Variants in VDAC2 observed in about 807,000 individuals in gnomAD.
The protein encoded by VDAC2 is voltage dependent anion channel 2.
A neutral mutation model predicts 36.6 loss-of-function variants in VDAC2; 6 were observed. The observed-to-expected ratio is 0.16, with a 90% CI of 0.09 to 0.32. The LOEUF (loss-of-function observed/expected upper bound fraction) is 0.32. Among genes scored for constraint, VDAC2 ranks in the 10% least tolerant of loss-of-function variants. The probability of loss-of-function intolerance (pLI) is 1.00; values close to 1 mark genes in which losing one functional copy is unlikely to be tolerated. For missense variants in VDAC2, 247 were observed against 346.0 expected (o/e 0.71, Z 2.27); for synonymous variants, 109 against 123.8 (o/e 0.88, Z 0.79).
intron 4 of VDAC2, chr10:75,218,280 T>C: frequency 6.4e-6 from 1 of 156,524 alleles, no homozygotes; most frequent in Non-Finnish European, 1.4e-5. Flanking sequence ...CTCTGCCTCC[T>C]GAGTAGCTGG....
At position 75,219,319 on chromosome 10, in the gene VDAC2, A is replaced by G. The variant is rs762091304; in HGVS notation, c.319A>G (p.Lys107Glu). The G allele has an allele frequency of 6.2e-7, 1 of 1,600,820 alleles. No homozygotes were observed. The highest frequency in any genetic ancestry group is 8.5e-7 in the Non-Finnish European group (1 of 1,174,474). The change falls in exon 6 of 10, where the codon AAA (lysine) becomes GAA (glutamate). Residue 107 changes from lysine (K) to glutamate (E), a missense_variant. Around this residue, in one of 3 missense-constraint regions of VDAC2, gnomAD observed 159 missense variants for 234.0 expected, o/e 0.68. Coordinates refer to ENST00000332211, the MANE Select transcript of VDAC2 (RefSeq NM_001391963.1). Reference protein sequence around the residue: ...AIEDQICQGLKLTFDTTFSPN... With the variant: ...AIEDQICQGLELTFDTTFSPN... ...TTCAAAATAGATTTGTCAAGGTTTG[A>G]AACTGACATTTGATACTACCTTCTC...
intron 8 of VDAC2, among the ~76,000 whole-genome samples, chr10:75,222,642 T>G (rs1373801031): frequency 2.6e-5 from 4 of 152,212 alleles, no homozygotes; most frequent in African/African-American, 9.6e-5. Flanking sequence ...ATGATAACCT[T>G]GAGCCATAGG....
At position 75,213,976 on chromosome 10, in the gene VDAC2, A is replaced by C. The variant is rs777599696; in HGVS notation, c.101-45A>C. On this transcript the variant is annotated intron_variant, in intron 3 of 9. Coordinates refer to ENST00000332211, the MANE Select transcript of VDAC2 (RefSeq NM_001391963.1). ...AGTCAACAATTGCTATGCATCTTTC[A>C]TACAAAGGAATCATTTTGTTTCTTT... 2.5e-6 allele frequency: 4 copies of C among 1,600,994 alleles called. No individual in the cohort carries two copies. In the South Asian group the frequency reaches 4.4e-5, roughly 18 times the overall value.
chr10:75,217,926 A>C (rs1206361139), intron 4 of VDAC2: 5 of 1,288,484 alleles, frequency 3.9e-6, no homozygotes, highest in Non-Finnish European at 5.1e-6. Flanking sequence ...TATTATTTTC[A>C]CATCAGCTGT....
chr10:75,225,164 C>T (rs1308276262), intron 8 of VDAC2, among the ~76,000 whole-genome samples: 1 of 152,128 alleles, frequency 6.6e-6, no homozygotes, highest in Admixed American at 6.5e-5. Context: ...TGAGGAGGAA[C>T]TGGATCTCAC....
Position 75,219,318 on chromosome 10 carries a change from G to A in VDAC2, c.318G>A (p.Leu106=), listed in dbSNP as rs754030778. The A allele has an allele frequency of 4.4e-6, 7 of 1,600,486 alleles. No individual in the cohort carries two copies. The highest frequency in any genetic ancestry group is 6.0e-6 in the Non-Finnish European group (7 of 1,174,310). ...IAIEDQICQG[L]KLTFDTTFSP... ...TTTCAAAATAGATTTGTCAAGGTTT[G>A]AAACTGACATTTGATACTACCTTCT... The change falls in exon 6 of 10, where the codon TTG becomes TTA. Residue 106 remains leucine (L), a synonymous_variant. Coordinates refer to ENST00000332211, the MANE Select transcript of VDAC2 (RefSeq NM_001391963.1).
At position 75,215,356 on chromosome 10, in the gene VDAC2, C is replaced by CT. The variant is rs894316957; in HGVS notation, c.150+1299dup. On this transcript the variant is annotated intron_variant, in intron 4 of 9. Coordinates refer to ENST00000332211, the MANE Select transcript of VDAC2 (RefSeq NM_001391963.1). ...ATGTATATATATAGAGAGAGAGAGA[C>CT]TTTTTTTTTTTTTGAGACGGAGTCT... 6.3e-3 allele frequency among the ~76,000 whole-genome samples: 906 copies of CT among 143,256 alleles called. 6 individuals carry two copies. Among genetic ancestry groups the CT allele is most frequent in the African/African-American group, 0.016 (644 of 39,280 alleles). 94.0% of individuals were successfully genotyped at this position (143,256 alleles called of 152,430 possible).
intron 2 of VDAC2, chr10:75,211,416 A>G: frequency 2.7e-6 from 4 of 1,456,174 alleles, no homozygotes; most frequent in African/African-American, 2.9e-5. Flanking sequence ...TGGACTTTTC[A>G]GCCTTTGTAC....
intron 4 of VDAC2, chr10:75,217,947 C>T (rs769144176): frequency 1.9e-5 from 25 of 1,288,756 alleles, no homozygotes; most frequent in Admixed American, 4.6e-5. Context: ...CTTCCTTAGG[C>T]TTGGCGTGGT....
chr10:75,214,772 A>G (rs1841546597), intron 4 of VDAC2, among the ~76,000 whole-genome samples: 1 of 152,100 alleles, frequency 6.6e-6, no homozygotes, highest in Admixed American at 6.6e-5. Flanking sequence ...TGATCCACCC[A>G]CCTTGGCCTC....
At chr10:75,226,743 C>T (rs914357980) in intron 8 of VDAC2, among the ~76,000 whole-genome samples, 6 of 151,908 alleles carry the variant, frequency 3.9e-5, no homozygotes, top group Non-Finnish European at 5.9e-5. Context: ...GTAACAGGAA[C>T]GAGCCACTGC....
chr10:75,225,796 T>TTTTTG (rs145911980), intron 8 of VDAC2, among the ~76,000 whole-genome samples: 1,607 of 151,934 alleles, frequency 0.011, 93 homozygotes, highest in Admixed American at 0.096. Flanking sequence ...GAGTAGGTTT[T>TTTTTG]TTTTGTTTTG....
intron 6 of VDAC2, among the ~76,000 whole-genome samples, chr10:75,220,018 G>A (rs770329995): frequency 4.0e-5 from 6 of 151,144 alleles, no homozygotes; most frequent in Non-Finnish European, 7.4e-5. Flanking sequence ...GGTAGAGACA[G>A]GGTTTCACCG....
chr10:75,217,931 A>C, intron 4 of VDAC2: 6 of 1,288,870 alleles, frequency 4.7e-6, no homozygotes, highest in Non-Finnish European at 6.1e-6. Flanking sequence ...TTTTCACATC[A>C]GCTGTCTTCC....
At chr10:75,227,378 A>G (rs1411912483) in intron 8 of VDAC2, among the ~76,000 whole-genome samples, 1 of 152,086 alleles carries the variant, frequency 6.6e-6, no homozygotes, top group Non-Finnish European at 1.5e-5. Context: ...AACCTGTGTG[A>G]TCCGATGCTC....
intron 4 of VDAC2, among the ~76,000 whole-genome samples, chr10:75,216,326 A>G (rs1340457811): frequency 6.6e-6 from 1 of 152,224 alleles, no homozygotes; most frequent in East Asian, 1.9e-4. Flanking sequence ...ATCAAATATT[A>G]GATCGTTGGA....
chr10:75,226,934 T>C (rs1214573068), intron 8 of VDAC2, among the ~76,000 whole-genome samples: 1 of 152,162 alleles, frequency 6.6e-6, no homozygotes, highest in African/African-American at 2.4e-5. Flanking sequence ...TGGCCAGTGA[T>C]TTAATTAATC....
At chr10:75,218,054 T>A (rs1171956901) in intron 4 of VDAC2, 2 of 662,402 alleles carry the variant, frequency 3.0e-6, no homozygotes, top group African/African-American at 1.9e-5. Flanking sequence ...CATCATTGTG[T>A]TCCAGCTTGG....
rs2132250282 is a variant in VDAC2, at chr10:75,212,170, T to G, written c.32-60T>G. ...ATATCAGCAGTGGGTCATGCTCTTG[T>G]TCTTGGATAGAAGGTGGGAGAATAG... On this transcript the variant is annotated intron_variant, in intron 2 of 9. Transcript: ENST00000332211. 2.7e-6 allele frequency: 4 copies of G among 1,476,368 alleles called. No individual in the cohort carries two copies. In the South Asian group the frequency reaches 3.5e-5, roughly 13 times the overall value. 91.5% of individuals were successfully genotyped at this position (1,476,368 alleles called of 1,614,324 possible).
Sources: allele counts gnomAD v4.1 joint callset (sites outside exome capture counted in the v4.1 genomes callset), GRCh38; gene constraint gnomAD v4.1.1; regional missense constraint gnomAD v4.1.1; transcripts MANE v1.5; gene names NCBI Gene and HGNC (gene_info 2026-07-23, HGNC 2026-07-21).